FGD5: variants seen among roughly 807,000 people sequenced by gnomAD.
FGD5 encodes the protein FYVE, RhoGEF and PH domain-containing protein 5.
In FGD5, 28 loss-of-function variants were observed where a neutral mutation model predicts 133.4. That is an observed-to-expected ratio of 0.21 (90% CI 0.16 to 0.29). The LOEUF is 0.29. FGD5 is among the 10% of genes least tolerant of loss of function. FGD5 has a pLI of 1.00. For missense variants in FGD5, 1,858 were observed against 1,895.2 expected, an observed-to-expected ratio of 0.98 and a Z score of 0.36; for synonymous variants, 810 against 776.5, an observed-to-expected ratio of 1.04 and a Z score of -0.72.
intron 9 of FGD5, among the ~76,000 whole-genome samples, chr3:14,904,423 A>G (rs1461140838): frequency 6.6e-6 from 1 of 151,914 alleles, no homozygotes; most frequent in Non-Finnish European, 1.5e-5. Context: ...TATTTCTCAA[A>G]TTGTTTCAGC....
At chr3:14,904,217 G>T (rs995820524) in intron 9 of FGD5, among the ~76,000 whole-genome samples, 1 of 152,142 alleles carries the variant, frequency 6.6e-6, no homozygotes, top group Non-Finnish European at 1.5e-5. Context: ...AAGTCAGTTT[G>T]TGCAGCCCAT....
intron 6 of FGD5, 135 bp from the exon 7 acceptor site, chr3:14,898,604 G>A: frequency 4.3e-6 from 3 of 699,246 alleles, no homozygotes; most frequent in Non-Finnish European, 7.3e-6. Flanking sequence ...AGGAGAACCT[G>A]GTTTTGGAGA....
intron 1 of FGD5, among the ~76,000 whole-genome samples, chr3:14,863,408 T>C (rs2037437594): frequency 6.6e-6 from 1 of 152,216 alleles, no homozygotes; most frequent in Non-Finnish European, 1.5e-5. Flanking sequence ...ACAGGGACCA[T>C]GTCTGCTTCA....
At chr3:14,903,442 C>A (rs902502984) in intron 9 of FGD5, among the ~76,000 whole-genome samples, 2 of 151,184 alleles carry the variant, frequency 1.3e-5, no homozygotes, top group African/African-American at 4.9e-5. Flanking sequence ...CATGCTGGTG[C>A]GCTGCACCCA....
chr3:14,864,405 C>T, intron 2 of FGD5, 145 bp downstream of exon 2: 2 of 1,290,420 alleles, frequency 1.5e-6, no homozygotes, highest in Non-Finnish European at 2.2e-6. Context: ...AGACACGCAG[C>T]ATCAGGGCGC....
intron 1 of FGD5, among the ~76,000 whole-genome samples, chr3:14,850,785 T>TGG (rs111657376): frequency 2.4e-5 from 1 of 41,010 alleles, no homozygotes; most frequent in Non-Finnish European, 4.7e-5. Context: ...GGACCTTGGT[T>TGG]GGGGGGGCAG....
intron 18 of FGD5, among the ~76,000 whole-genome samples, chr3:14,926,903 G>A (rs1251352599): frequency 6.6e-6 from 1 of 152,126 alleles, no homozygotes; most frequent in African/African-American, 2.4e-5. Flanking sequence ...GCAGAGGGTG[G>A]GTGCTTTGCT....
chr3:14,828,865 G>A (rs1293134255), intron 1 of FGD5, among the ~76,000 whole-genome samples: 2 of 138,746 alleles, frequency 1.4e-5, no homozygotes. Context: ...TCTGTTGCCT[G>A]TGCTGGAGTG....
intron 4 of FGD5, among the ~76,000 whole-genome samples, chr3:14,896,332 A>G (rs958368106): frequency 4.6e-5 from 7 of 152,252 alleles, no homozygotes; most frequent in Non-Finnish European, 1.0e-4. Flanking sequence ...AGCCAAAGCA[A>G]TCCCGAACAA....
At chr3:14,874,612 C>T (rs1045116476) in intron 2 of FGD5, among the ~76,000 whole-genome samples, 2 of 152,262 alleles carry the variant, frequency 1.3e-5, no homozygotes, top group South Asian at 4.1e-4. Flanking sequence ...TATAGGAGAT[C>T]ACTGGAAGGA....
chr3:14,849,885 G>T (rs1174401101), intron 1 of FGD5, among the ~76,000 whole-genome samples: 1 of 152,152 alleles, frequency 6.6e-6, no homozygotes, highest in Non-Finnish European at 1.5e-5. Context: ...GTCTGCTGTT[G>T]CTGCTGCTTC....
intron 11 of FGD5, among the ~76,000 whole-genome samples, chr3:14,914,716 C>A (rs1418674793): frequency 6.6e-6 from 1 of 152,194 alleles, no homozygotes; most frequent in Non-Finnish European, 1.5e-5. Context: ...TCAAGCCATA[C>A]CCCTGGCTCC....
chr3:14,930,489 T>C (rs2038884172), intron 18 of FGD5, among the ~76,000 whole-genome samples: 1 of 152,058 alleles, frequency 6.6e-6, no homozygotes, highest in African/African-American at 2.4e-5. Context: ...TCCAGCTACT[T>C]GTGAGGCCGA....
chr3:14,828,798 G>A (rs1297682105), intron 1 of FGD5, among the ~76,000 whole-genome samples: 3 of 150,676 alleles, frequency 2.0e-5, no homozygotes, highest in Non-Finnish European at 4.4e-5. Context: ...TTCAGTATCT[G>A]TAGGACATTT....
In FGD5 at chr3:14,821,341, C is replaced by T. The variant is rs1391159490; in HGVS notation, c.2270C>T (p.Pro757Leu). ...DRSRPPFLPL[P>L]LTKPRSISFP... is the part of the protein sequence containing the mutation. ...TCCCGGCCGCCCTTCCTGCCCTTGC[C>T]ACTGACCAAGCCACGGTCCATCTCC... The change falls in exon 1 of 20, where the codon CCA (proline) becomes CTA (leucine). Residue 757 changes from proline (P) to leucine (L), a missense_variant. Pro to Leu is a moderately conservative substitution (Grantham distance 98). Transcript: ENST00000285046. 1.2e-6 allele frequency: 2 copies of T among 1,614,000 alleles called. No homozygotes were observed. Among genetic ancestry groups the T allele is most frequent in the Admixed American group, 3.3e-5 (2 of 60,032 alleles).
At chr3:14,864,379 C>T (rs1299748597) in intron 2 of FGD5, 119 bp downstream of exon 2, 20 of 1,501,394 alleles carry the variant, frequency 1.3e-5, no homozygotes, top group Non-Finnish European at 1.8e-5. Flanking sequence ...CTGGCCCCAG[C>T]TGGATGCAGG....
intron 1 of FGD5, among the ~76,000 whole-genome samples, chr3:14,858,788 C>T (rs1045232620): frequency 1.3e-5 from 2 of 152,142 alleles, no homozygotes; most frequent in Admixed American, 6.5e-5. Context: ...CAAGGGAAGA[C>T]GTGGTTACTT....
intron 1 of FGD5, among the ~76,000 whole-genome samples, chr3:14,844,253 TATATATATATATATATATA>T (rs2036997959): frequency 1.6e-5 from 1 of 62,994 alleles, no homozygotes; most frequent in Non-Finnish European, 3.1e-5. Flanking sequence ...TATATATATA[TATATATATATATATATATA>T]ATGCAGGTTT....
At chr3:14,867,914 G>A (rs2037528858) in intron 2 of FGD5, among the ~76,000 whole-genome samples, 1 of 152,106 alleles carries the variant, frequency 6.6e-6, no homozygotes, top group Non-Finnish European at 1.5e-5. Flanking sequence ...TGGGCCCCGG[G>A]AGGTGTTTTT....
Sources: allele counts gnomAD v4.1 joint callset (sites outside exome capture counted in the v4.1 genomes callset), GRCh38; gene constraint gnomAD v4.1.1; transcripts MANE v1.5; gene names NCBI Gene and HGNC (gene_info 2026-07-23, HGNC 2026-07-21).